The following CRTC3 variants were observed in gnomAD, a reference collection of about 807,000 sequenced individuals.
CRTC3 encodes CREB-regulated transcription coactivator 3.
In CRTC3, 26 loss-of-function variants were observed where a neutral mutation model predicts 74.5. The observed-to-expected ratio is 0.35, with a 90% CI of 0.26 to 0.48. The LOEUF is 0.48. Among genes scored for constraint, CRTC3 ranks in the 20% least tolerant of loss-of-function variants. The pLI is 0.99. For synonymous variants in CRTC3, 377 were observed against 325.8 expected (o/e 1.16, Z -1.69); for missense variants, 760 against 787.3 (o/e 0.97, Z 0.41).
At chr15:90,607,708 C>T (rs2151084191) in intron 6 of CRTC3, among the ~76,000 whole-genome samples, 1 of 152,336 alleles carries the variant, frequency 6.6e-6, no homozygotes, top group East Asian at 1.9e-4. Context: ...CTCTTGGTGT[C>T]TCTTGGCCCT....
At chr15:90,550,668 G>C (rs987013778) in intron 2 of CRTC3, among the ~76,000 whole-genome samples, 4 of 151,778 alleles carry the variant, frequency 2.6e-5, no homozygotes, top group Admixed American at 2.0e-4. Context: ...GTGCATATTT[G>C]CATGTCAGAT....
chr15:90,570,079 A>G (rs559575625), intron 2 of CRTC3, among the ~76,000 whole-genome samples: 90 of 152,340 alleles, frequency 5.9e-4, no homozygotes, highest in South Asian at 8.3e-4. Context: ...AAGGAATACA[A>G]TTATATGGAC....
intron 14 of CRTC3, among the ~76,000 whole-genome samples, chr15:90,641,524 C>T (rs926468955): frequency 1.2e-4 from 18 of 152,082 alleles, no homozygotes; most frequent in Admixed American, 8.5e-4. Context: ...AGCGAAACCC[C>T]GTCTCTACTA....
At chr15:90,621,626 T>A (rs982839270) in intron 9 of CRTC3, among the ~76,000 whole-genome samples, 6 of 152,052 alleles carry the variant, frequency 3.9e-5, no homozygotes, top group Admixed American at 1.3e-4. Context: ...CCCAGCCTGT[T>A]TTGTTTTTAA....
In CRTC3 at chr15:90,642,047, CCT is replaced by C. The variant is rs755793125; in HGVS notation, c.1768_1769del (p.Leu590GlufsTer10). 2 of 1,613,976 alleles carry C rather than the reference CCT, an allele frequency of 1.2e-6. No individual in the cohort carries two copies. The highest frequency in any genetic ancestry group is 1.7e-6 in the Non-Finnish European group (2 of 1,180,012). On this transcript the variant is annotated frameshift_variant, in exon 15 of 15. Coordinates refer to ENST00000268184, the MANE Select transcript of CRTC3 (RefSeq NM_022769.5). LOFTEE classifies it high-confidence loss of function. Reference sequence around the variant, plus strand: ...TGGAAGAGGAGCTGCAGATTGAACCCCTGAGCCTGGACGGACTCAACATGTTA... The same window carrying C: ...TGGAAGAGGAGCTGCAGATTGAACCCGAGCCTGGACGGACTCAACATGTTA... ...PLEEELQIEP[L>X]SLDGLNMLSD...
intron 2 of CRTC3, among the ~76,000 whole-genome samples, chr15:90,568,452 G>A (rs1244926006): frequency 6.6e-6 from 1 of 152,062 alleles, no homozygotes; most frequent in Non-Finnish European, 1.5e-5. Flanking sequence ...ATGGGTTCAA[G>A]CGATTCTCCT....
At chr15:90,584,454 C>T (rs928841080) in intron 2 of CRTC3, among the ~76,000 whole-genome samples, 1 of 152,168 alleles carries the variant, frequency 6.6e-6, no homozygotes, top group African/African-American at 2.4e-5. Flanking sequence ...TCAGGCTGGT[C>T]TCGAACTCCT....
At chr15:90,602,294 T>C (rs1003185836) in intron 3 of CRTC3, 30 bp from the exon 4 acceptor site, 1 of 1,321,946 alleles carries the variant, frequency 7.6e-7, no homozygotes, top group Admixed American at 1.7e-5. Flanking sequence ...TTTCCATTAA[T>C]TTTTATTTTT....
chr15:90,639,536 A>T (rs1596154056), intron 13 of CRTC3, among the ~76,000 whole-genome samples: 2 of 141,138 alleles, frequency 1.4e-5, no homozygotes, highest in Admixed American at 7.5e-5. Context: ...TGCAACCTCC[A>T]CCTCCTGGGT....
intron 3 of CRTC3, 29 bp downstream of exon 3, chr15:90,593,784 G>T: frequency 6.4e-7 from 1 of 1,561,874 alleles, no homozygotes; most frequent in South Asian, 1.2e-5. Flanking sequence ...CAAAGGGAGT[G>T]TGCATTCTGA....
intron 1 of CRTC3, among the ~76,000 whole-genome samples, chr15:90,534,561 A>AGTTGGTTGGTTGGTTGGTTG (rs56768119): frequency 1.3e-5 from 2 of 151,466 alleles, no homozygotes; most frequent in Non-Finnish European, 2.9e-5. Flanking sequence ...AAATGTGGTT[A>AGTTGGTTGGTTGGTTGGTTG]GTTGGTTGGT....
chr15:90,626,031 A>G lies in CRTC3; in HGVS notation c.967+38A>G, dbSNP rs200212567. 96 of 1,534,452 alleles carry G rather than the reference A, an allele frequency of 6.3e-5. 1 individual carries two copies. The East Asian group carries it at 1.3e-3, about 20-fold the overall frequency. On this transcript the variant is annotated intron_variant, in intron 10 of 14. Transcript: ENST00000268184. ...TGCTTAGCAGTGACCTGGTGGCTTAATCATAGGTGGTCCCCACCCATGTGG... is the reference window on the plus strand; with the variant it reads ...TGCTTAGCAGTGACCTGGTGGCTTAGTCATAGGTGGTCCCCACCCATGTGG...
chr15:90,534,590 G>A (rs11852389), intron 1 of CRTC3, among the ~76,000 whole-genome samples: 98,061 of 151,986 alleles, frequency 0.65, 32,491 homozygotes, highest in Non-Finnish European at 0.7. Context: ...TTTAATTAGG[G>A]CTAACAATGA....
chr15:90,551,407 T>G (rs976643528), intron 2 of CRTC3, among the ~76,000 whole-genome samples: 5 of 152,224 alleles, frequency 3.3e-5, no homozygotes, highest in Non-Finnish European at 2.9e-5. Context: ...TGTGGCTATT[T>G]CCATTAATTA....
At chr15:90,560,040 C>A (rs1782667328) in intron 2 of CRTC3, among the ~76,000 whole-genome samples, 1 of 152,082 alleles carries the variant, frequency 6.6e-6, no homozygotes, top group South Asian at 2.1e-4. Context: ...TGTAGGAGTT[C>A]TTCGAATGTT....
rs182561858 is a variant in CRTC3 at position 90,596,637 on chromosome 15, C to T, written c.351+2882C>T. 2.1e-4 allele frequency among the ~76,000 whole-genome samples: 32 copies of T among 151,990 alleles called. No homozygotes were observed. The East Asian group carries it at 5.2e-3, about 25-fold the overall frequency. ...AGTCTCTTTTGAGGAATCAAGGGTC[C>T]GTGAAATGGGATGATTTTATTTTGG... is the stretch of plus-strand genomic sequence containing the variant. On this transcript the variant is annotated intron_variant, in intron 3 of 14. Transcript: ENST00000268184.
chr15:90,593,523 A>C, intron 2 of CRTC3, 113 bp from the exon 3 acceptor site: 1 of 1,254,460 alleles, frequency 8.0e-7, no homozygotes, highest in South Asian at 1.5e-5. Context: ...ACTAATGTAT[A>C]ATAAGTAAAA....
At chr15:90,617,018 G>A (rs1438782678) in intron 7 of CRTC3, among the ~76,000 whole-genome samples, 1 of 151,902 alleles carries the variant, frequency 6.6e-6, no homozygotes, top group Admixed American at 6.6e-5. Context: ...TCTCTCCTTT[G>A]CCAAGCCTGC....
rs1423131562 is a variant in CRTC3, at chr15:90,537,389, A to G, written c.133-2650A>G. Among the ~76,000 whole-genome samples, 4 of 152,082 alleles carry G rather than the reference A, an allele frequency of 2.6e-5. No homozygotes were observed. The East Asian group carries it at 7.7e-4, about 29-fold the overall frequency. On this transcript the variant is annotated intron_variant, in intron 1 of 14. Coordinates refer to ENST00000268184, the MANE Select transcript of CRTC3 (RefSeq NM_022769.5). ...AGTCACATCATCCGATTCCAGGTCC[A>G]GTGCTTTTTGTTTTTTTAGAGTCTC...
Sources: gnomAD v4.1 joint callset for allele counts (sites outside exome capture counted in the v4.1 genomes callset) on GRCh38, gnomAD v4.1.1 for gene constraint, MANE v1.5 for transcripts, NCBI Gene and HGNC (gene_info 2026-07-23, HGNC 2026-07-21) for gene names.